Variants in SDSL observed in about 807,000 individuals in gnomAD.
SDSL encodes the protein serine dehydratase-like.
Under a neutral mutation model 27.6 loss-of-function variants are expected in SDSL, and 26 were observed. The ratio of observed to expected loss-of-function variants is 0.94; its 90% CI spans 0.69 to 1.31. SDSL has a LOEUF of 1.31. SDSL is among the 50% of genes most tolerant of loss of function. The pLI is 0.00. For synonymous variants in SDSL, 196 were observed against 180.6 expected, an observed-to-expected ratio of 1.09 and a Z score of -0.69; for missense variants, 431 against 423.5, an observed-to-expected ratio of 1.02 and a Z score of -0.16.
chr12:113,429,870 C>T (rs1471727029), intron 4 of SDSL, among the ~76,000 whole-genome samples: 1 of 152,038 alleles, frequency 6.6e-6, no homozygotes, highest in African/African-American at 2.4e-5. Flanking sequence ...AAAGCTGGTC[C>T]CAAATACTTC....
At position 113,427,988 on chromosome 12, in the gene SDSL, C is replaced by G. The variant is rs200331108; in HGVS notation, c.6C>G (p.Asp2Glu). 6.2e-7 allele frequency: 1 copy of G among 1,610,692 alleles called. No individual in the cohort carries two copies. Among genetic ancestry groups the G allele is most frequent in the Non-Finnish European group, 8.5e-7 (1 of 1,178,580 alleles). The change falls in exon 2 of 8, where the codon GAC (aspartate) becomes GAG (glutamate). Residue 2 changes from aspartate to glutamate, a missense_variant. Physicochemically the swap from Asp to Glu is conservative, Grantham distance 45. Transcript: ENST00000403593. M[D>E]GPVAEHAKQE... ...CTGTCTACCTGGTCTCCAGAATGGACGGCCCTGTGGCAGAGCATGCCAAGC... is the reference window on the plus strand; with the variant it reads ...CTGTCTACCTGGTCTCCAGAATGGAGGGCCCTGTGGCAGAGCATGCCAAGC...
chr12:113,430,019 CTCCT>C (rs2136953546), intron 4 of SDSL, among the ~76,000 whole-genome samples: 2 of 135,188 alleles, frequency 1.5e-5, no homozygotes, highest in East Asian at 2.6e-4. Context: ...CATTCTTTCT[CTCCT>C]TCCTTCCTTC....
chr12:113,432,238 TTCTTTCTTTCTTTCTTTC>T (rs1299092971), intron 4 of SDSL, among the ~76,000 whole-genome samples: 19 of 124,144 alleles, frequency 1.5e-4, no homozygotes, highest in Non-Finnish European at 2.8e-4. Context: ...CTTTCTTTCT[TTCTTTCTTTCTTTCTTTC>T]TTTCTTTCTT....
In SDSL at chr12:113,436,687, A is replaced by T. The variant is rs1025898364; in HGVS notation, c.672-64A>T. On this transcript the variant is annotated intron_variant, in intron 6 of 7. Transcript: ENST00000403593. Reference sequence around the variant, plus strand: ...AGGGGGTGGCTGGGGCTGGGGAGAGACCTGTTTCACCAGCTCTTCCCTGAG... The same window carrying T: ...AGGGGGTGGCTGGGGCTGGGGAGAGTCCTGTTTCACCAGCTCTTCCCTGAG... 7.5e-6 allele frequency: 11 copies of T among 1,467,080 alleles called. No homozygotes were observed. In the African/African-American group the frequency reaches 1.1e-4, roughly 15 times the overall value. The allele number at this position is 1,467,080 out of a possible 1,614,324, so 90.9% of individuals were successfully genotyped here. A position where few individuals can be genotyped will look rare whatever the true frequency, so the allele number is the denominator to read the frequency against.
In SDSL at chr12:113,437,996, T is replaced by C. The variant is rs750162029; in HGVS notation, c.907T>C (p.Ser303Pro). ...AEGCLPPSLT[S>P]VVVIVCGGNN... ...GGGCTGCCTGCCCCCTTCCCTGACT[T>C]CAGTTGTGGTAATCGTGTGTGGAGG... Residue 303 changes from serine (S) to proline (P), a missense_variant, in exon 8 of 8, where the codon TCA (serine) becomes CCA (proline). Physicochemically the swap from Ser to Pro is moderately conservative, Grantham distance 74 (BLOSUM62 -1). Coordinates refer to ENST00000403593, the MANE Select transcript of SDSL (RefSeq NM_001304993.2). 14 of 1,614,032 alleles carry C rather than the reference T, an allele frequency of 8.7e-6. No individual in the cohort carries two copies. Among genetic ancestry groups the C allele is most frequent in the Non-Finnish European group, 1.2e-5 (14 of 1,180,010 alleles).
chr12:113,432,711 C>T lies in SDSL; in HGVS notation c.355-1423C>T, dbSNP rs369148415. On this transcript the variant is annotated intron_variant, in intron 4 of 7. Transcript: ENST00000403593. ...TGGAGTCCCCAGTGTCTCTCGTTCC[C>T]ATCTTTGTGCCCATGTTTATACCCA... is the stretch of plus-strand genomic sequence containing the variant. 6.6e-5 allele frequency among the ~76,000 whole-genome samples: 10 copies of T among 152,302 alleles called. No individual in the cohort carries two copies. In the East Asian group the frequency reaches 1.7e-3, roughly 26 times the overall value.
At chr12:113,427,210 G>C (rs1427511284) in intron 1 of SDSL, 1 of 152,436 alleles carries the variant, frequency 6.6e-6, no homozygotes. Context: ...CCAGGTTCAA[G>C]TGATTCTCCT....
chr12:113,432,264 CTTTCT>C (rs1243407837), intron 4 of SDSL, among the ~76,000 whole-genome samples: 1 of 133,124 alleles, frequency 7.5e-6, no homozygotes, highest in African/African-American at 3.1e-5. Context: ...TTCTTTCTTT[CTTTCT>C]TTCTTTCTTT....
chr12:113,428,240 G>C lies in SDSL; in HGVS notation c.174+84G>C, dbSNP rs1300950488. ...AGGGGTGTGGGCTGGGGACGGGTTC[G>C]GGCAGGAGGGGAAACATGAACTCGT... On this transcript the variant is annotated intron_variant, in intron 2 of 7. Coordinates refer to ENST00000403593, the MANE Select transcript of SDSL (RefSeq NM_001304993.2). The C allele has an allele frequency of 2.1e-6, 3 of 1,406,564 alleles. No individual in the cohort carries two copies. The African/African-American group carries it at 4.3e-5, about 20-fold the overall frequency. 87.1% of individuals were successfully genotyped at this position (1,406,564 alleles called of 1,614,324 possible).
In SDSL at chr12:113,437,840, GTTC is replaced by G. The variant is rs745458102; in HGVS notation, c.797-39_797-37del. On this transcript the variant is annotated intron_variant, in intron 7 of 7. Coordinates refer to ENST00000403593, the MANE Select transcript of SDSL (RefSeq NM_001304993.2). ...CCCAGGGCCTGCTGAGCACCGAGTG[GTTC>G]TTCTTCCCTTTCCTTCCTCTCTCCA... 7.7e-5 allele frequency: 118 copies of G among 1,532,614 alleles called. No homozygotes were observed. In the African/African-American group the frequency reaches 1.3e-3, roughly 17 times the overall value. The allele number at this position is 1,532,614 out of a possible 1,614,324, so 94.9% of individuals were successfully genotyped here.
Position 113,429,218 on chromosome 12 carries a change from C to T in SDSL, c.273C>T (p.Thr91=), listed in dbSNP as rs143423751. 4.2e-3 allele frequency: 6,808 copies of T among 1,613,914 alleles called. 22 individuals are homozygous for T. The highest frequency in any genetic ancestry group is 4.7e-3 in the Non-Finnish European group (5,558 of 1,179,882). ...CTAGGAAGCTGGGCATTCCTGCCAC[C>T]ATCGTGCTCCCCGAGAGCACCTCCC... ...YAARKLGIPA[T]IVLPESTSLQ... is the part of the protein sequence containing the mutation. The change falls in exon 4 of 8, where the codon ACC becomes ACT. Residue 91 remains threonine, a synonymous_variant. Coordinates refer to ENST00000403593, the MANE Select transcript of SDSL (RefSeq NM_001304993.2).
rs755624985 is a variant in SDSL at position 113,434,196 on chromosome 12, C to G, written c.417C>G (p.Val139=). 5 of 1,612,820 alleles carry G rather than the reference C, an allele frequency of 3.1e-6. No homozygotes were observed. The Admixed American group carries it at 8.3e-5, about 27-fold the overall frequency. ...CCAAGAGGGACGGCTGGGAGAATGT[C>G]CCCCCGTTTGACCACCCCCTAATAT... ...ELAKRDGWEN[V]PPFDHPLIWK... The change falls in exon 5 of 8, where the codon GTC becomes GTG. Residue 139 remains valine (V), a synonymous_variant. Coordinates refer to ENST00000403593, the MANE Select transcript of SDSL (RefSeq NM_001304993.2).
chr12:113,429,106 C>G, intron 3 of SDSL, 54 bp from the exon 4 acceptor site: 3 of 1,571,970 alleles, frequency 1.9e-6, no homozygotes, highest in Non-Finnish European at 2.6e-6. Context: ...GAGGGGAAGG[C>G]ATATCAAAGG....
chr12:113,428,299 T>G, intron 2 of SDSL, 121 bp from the exon 3 acceptor site: 1 of 1,305,712 alleles, frequency 7.7e-7, no homozygotes, highest in Non-Finnish European at 1.1e-6. Flanking sequence ...GGCAGGGCTG[T>G]GGGCAGGATG....
At chr12:113,436,057 G>A (rs1265536485) in intron 6 of SDSL, among the ~76,000 whole-genome samples, 1 of 152,144 alleles carries the variant, frequency 6.6e-6, no homozygotes, top group African/African-American at 2.4e-5. Context: ...GGAGTTTGAG[G>A]CTATTGTGTG....
rs1195847279 is a variant in SDSL, at chr12:113,425,617, TA to T, written c.-21-2344del. 6.6e-6 allele frequency: 3 copies of T among 453,594 alleles called. No individual in the cohort carries two copies. The Admixed American group carries it at 7.2e-5, about 11-fold the overall frequency. 28.1% of individuals were successfully genotyped at this position (453,594 alleles called of 1,614,324 possible). A position where few individuals can be genotyped will look rare whatever the true frequency, so the allele number is the denominator to read the frequency against. Reference sequence around the variant, plus strand: ...TATTTTTTCCTTTTTTTTTCTCTACTATTTTTCCTCCCTCTCATTTCCTCCA... The same window carrying T: ...TATTTTTTCCTTTTTTTTTCTCTACTTTTTTCCTCCCTCTCATTTCCTCCA... On this transcript the variant is annotated intron_variant, in intron 1 of 7. Coordinates refer to ENST00000403593, the MANE Select transcript of SDSL (RefSeq NM_001304993.2).
At chr12:113,427,650 A>G (rs562426353) in intron 1 of SDSL, among the ~76,000 whole-genome samples, 131 of 152,306 alleles carry the variant, frequency 8.6e-4, no homozygotes, top group African/African-American at 3.1e-3. Flanking sequence ...TAGGTGCTGA[A>G]TAAGTATTTT....
At position 113,427,728 on chromosome 12, in the gene SDSL, C is replaced by G. The variant is rs140896728; in HGVS notation, c.-21-234C>G. 1.3e-3 allele frequency among the ~76,000 whole-genome samples: 201 copies of G among 152,318 alleles called. 3 individuals are homozygous for G. In the East Asian group the frequency reaches 0.023, roughly 17 times the overall value. On this transcript the variant is annotated intron_variant, in intron 1 of 7. Transcript: ENST00000403593. ...ACCATATATTGGCCACTTTCTACAT[C>G]CCCAGCACAGCCACACTTATGGAAT...
At chr12:113,430,317 G>A (rs182125818) in intron 4 of SDSL, among the ~76,000 whole-genome samples, 9 of 152,312 alleles carry the variant, frequency 5.9e-5, no homozygotes, top group African/African-American at 1.9e-4. Context: ...GTGTTGCCAC[G>A]GGGGAAGCAC....
Sources: gnomAD v4.1 joint callset for allele counts (sites outside exome capture counted in the v4.1 genomes callset) on GRCh38, gnomAD v4.1.1 for gene constraint, MANE v1.5 for transcripts, NCBI Gene and HGNC (gene_info 2026-07-23, HGNC 2026-07-21) for gene names.